Variants in NPHP4 observed in about 807,000 individuals in gnomAD.
The protein encoded by NPHP4 is nephrocystin 4, also known as nephrocystin-4.
NPHP4 carries 151 observed loss-of-function variants against 155.8 expected under a neutral mutation model. The observed-to-expected ratio is 0.97, with a 90% CI of 0.85 to 1.11. The LOEUF (loss-of-function observed/expected upper bound fraction) is 1.11. Ranked by LOEUF, NPHP4 falls within the 50% of genes least tolerant of loss-of-function variation. The pLI is 0.00. For synonymous variants in NPHP4, 845 were observed against 816.8 expected (o/e 1.03, Z -0.59); for missense variants, 1,956 against 1,925.7 (o/e 1.02, Z -0.29).
rs188256435 is a variant in NPHP4, at chr1:5,893,749, C to G, written c.2144-2721G>C. Among the ~76,000 whole-genome samples the G allele has an allele frequency of 5.4e-4, 83 of 152,340 alleles. No homozygotes were observed. In the East Asian group the frequency reaches 0.014, roughly 25 times the overall value. ...CCCGGGGAAAGAGAGACTCCCTTTC[C>G]CGGTCTGCTAAGTAGCGGGTGTTGT... is the stretch of plus-strand genomic sequence containing the variant. On this transcript the variant is annotated intron_variant, in intron 16 of 29. Coordinates refer to ENST00000378156, the MANE Select transcript of NPHP4 (RefSeq NM_015102.5).
intron 2 of NPHP4, among the ~76,000 whole-genome samples, chr1:5,983,707 G>A (rs892204520): frequency 1.3e-5 from 2 of 152,154 alleles, no homozygotes; most frequent in African/African-American, 4.8e-5. Context: ...GGTGGTCTTG[G>A]AGGCCCCTAA....
chr1:5,929,150 T>A (rs1160929804), intron 10 of NPHP4, among the ~76,000 whole-genome samples: 1 of 152,256 alleles, frequency 6.6e-6, no homozygotes, highest in African/African-American at 2.4e-5. Context: ...TCCTGTGTTA[T>A]CCTGCAACCT....
intron 11 of NPHP4, among the ~76,000 whole-genome samples, chr1:5,911,093 G>C (rs1296213813): frequency 6.6e-6 from 1 of 152,256 alleles, no homozygotes; most frequent in Non-Finnish European, 1.5e-5. Context: ...CTCGGAGGGA[G>C]TTAGCAAATG....
chr1:5,962,625 A>C (rs1033876501), intron 5 of NPHP4, among the ~76,000 whole-genome samples: 1 of 152,210 alleles, frequency 6.6e-6, no homozygotes, highest in African/African-American at 2.4e-5. Context: ...ACTTTCCTGG[A>C]GTGATGGCTA....
chr1:5,964,913 T>TA (rs1167072868), intron 5 of NPHP4, among the ~76,000 whole-genome samples: 11 of 108,336 alleles, frequency 1.0e-4, no homozygotes, highest in Admixed American at 1.0e-4. Flanking sequence ...ATAATACATA[T>TA]ATATTATATA....
Position 5,933,156 on chromosome 1 carries a change from G to C in NPHP4, c.1293C>G (p.Ser431Arg), listed in dbSNP as rs2101743229. The part of the protein sequence containing the change: ...LVYKVPSASM[S>R]SEEVKQVESG... Reference sequence around the variant, plus strand: ...ATACCTAATAATTTACCTCTTCAGAGCTCATGCTGGCTGAGGGTACCTTGT... The same window carrying C: ...ATACCTAATAATTTACCTCTTCAGACCTCATGCTGGCTGAGGGTACCTTGT... Residue 431 changes from serine to arginine, a missense_variant, in exon 10 of 30, where the codon AGC (serine) becomes AGG (arginine). Coordinates refer to ENST00000378156, the MANE Select transcript of NPHP4 (RefSeq NM_015102.5). 2 of 1,588,988 alleles carry C rather than the reference G, an allele frequency of 1.3e-6. No individual in the cohort carries two copies. The highest frequency in any genetic ancestry group is 4.5e-5 in the East Asian group (2 of 44,350).
rs373650097 is a variant in NPHP4, at chr1:5,867,933, G to C, written c.3316-37C>G. 1.2e-6 allele frequency: 2 copies of C among 1,611,824 alleles called. No homozygotes were observed. The highest frequency in any genetic ancestry group is 2.2e-5 in the East Asian group (1 of 44,874). ...CCACGCTGAGTGTTGGGATGGGCAC[G>C]AGGCTTGTGAGCAGCTTCTTGTCCC... On this transcript the variant is annotated intron_variant, in intron 23 of 29. Transcript: ENST00000378156. This position sits in a 1 kb window ranked among gnomAD's most constrained non-coding sequence, Gnocchi z 4.1.
intron 13 of NPHP4, among the ~76,000 whole-genome samples, chr1:5,906,457 T>C (rs971937821): frequency 6.6e-6 from 1 of 152,206 alleles, no homozygotes; most frequent in Non-Finnish European, 1.5e-5. Flanking sequence ...GCGCCAATAA[T>C]AAAAAGCTAG....
At chr1:5,896,737 T>C (rs1361259146) in intron 16 of NPHP4, among the ~76,000 whole-genome samples, 3 of 152,186 alleles carry the variant, frequency 2.0e-5, no homozygotes, top group Admixed American at 6.5e-5. Context: ...TCCTGATCTC[T>C]GAAATGTCAT....
chr1:5,945,074 G>C (rs951567765), intron 9 of NPHP4, among the ~76,000 whole-genome samples: 1 of 152,226 alleles, frequency 6.6e-6, no homozygotes, highest in Non-Finnish European at 1.5e-5. Context: ...TTTCAGATGA[G>C]GGTTAAAAAA....
chr1:5,962,044 C>G, intron 5 of NPHP4, 95 bp from the exon 6 acceptor site: 1 of 953,088 alleles, frequency 1.0e-6, no homozygotes, highest in Non-Finnish European at 1.6e-6. Flanking sequence ...AGAAACACCA[C>G]AAACAGGAAA....
intron 18 of NPHP4, among the ~76,000 whole-genome samples, chr1:5,883,213 G>A (rs1643465294): frequency 6.6e-6 from 1 of 152,232 alleles, no homozygotes; most frequent in South Asian, 2.1e-4. Context: ...AACCAGCCCA[G>A]CCTGCCTGTG....
rs767343188 is a variant in NPHP4 at position 5,928,398 on chromosome 1, T to C, written c.1303-611A>G. On this transcript the variant is annotated intron_variant, in intron 10 of 29. Transcript: ENST00000378156. ...GTTGTTACATACACATCAAACTGTTTCTTTTTTTATTACTGAGTGATATTC... is the reference window on the plus strand; with the variant it reads ...GTTGTTACATACACATCAAACTGTTCCTTTTTTTATTACTGAGTGATATTC... 7.2e-4 allele frequency among the ~76,000 whole-genome samples: 109 copies of C among 152,386 alleles called. 3 individuals carry two copies. Among genetic ancestry groups the C allele is most frequent in the Non-Finnish European group, 4.7e-4 (32 of 68,036 alleles).
chr1:5,865,053 C>T (rs775617110), intron 27 of NPHP4, 49 bp downstream of exon 27: 1 of 1,585,478 alleles, frequency 6.3e-7, no homozygotes, highest in South Asian at 1.1e-5. Flanking sequence ...TGCCCGTCTC[C>T]AGGCTGGGGT....
In NPHP4 at chr1:5,919,136, T is replaced by C. The variant is rs889215392; in HGVS notation, c.1441+8513A>G. 7.9e-5 allele frequency among the ~76,000 whole-genome samples: 12 copies of C among 152,354 alleles called. No individual in the cohort carries two copies. The South Asian group carries it at 2.5e-3, about 32-fold the overall frequency. On this transcript the variant is annotated intron_variant, in intron 11 of 29. Transcript: ENST00000378156. ...AGATGAGTAGCTGTGACAGAGACCATCTTGCCCACAAATCCTAAAATACTT... is the reference window on the plus strand; with the variant it reads ...AGATGAGTAGCTGTGACAGAGACCACCTTGCCCACAAATCCTAAAATACTT...
intron 10 of NPHP4, among the ~76,000 whole-genome samples, chr1:5,931,248 C>G (rs1008369399): frequency 6.6e-5 from 10 of 151,964 alleles, no homozygotes; most frequent in African/African-American, 2.4e-4. Context: ...ACTATTTACA[C>G]GTAATGTAAT....
chr1:5,880,405 G>T, intron 18 of NPHP4, 166 bp from the exon 19 acceptor site: 1 of 646,122 alleles, frequency 1.5e-6, no homozygotes, highest in Non-Finnish European at 2.6e-6. Context: ...TGAGAGACAG[G>T]TGGGAGCTCG....
intron 6 of NPHP4, 57 bp downstream of exon 6, chr1:5,961,737 A>T: frequency 6.5e-7 from 1 of 1,543,698 alleles, no homozygotes; most frequent in Non-Finnish European, 8.8e-7. Flanking sequence ...TCAAGGTTTC[A>T]CTGTGAACTA....
intron 11 of NPHP4, among the ~76,000 whole-genome samples, chr1:5,914,531 C>T (rs552294396): frequency 1.3e-5 from 2 of 152,272 alleles, no homozygotes; most frequent in South Asian, 2.1e-4. Flanking sequence ...AGCTATCTGT[C>T]GCCTCAAGCC....
Sources: gnomAD v4.1 joint callset for allele counts (sites outside exome capture counted in the v4.1 genomes callset) on GRCh38, gnomAD v4.1.1 for gene constraint, Gnocchi (gnomAD v3.1) non-coding constraint, MANE v1.5 for transcripts, NCBI Gene and HGNC (gene_info 2026-07-23, HGNC 2026-07-21) for gene names.